The following PDE9A variants were observed in gnomAD, a reference collection of about 807,000 sequenced individuals.
PDE9A encodes the protein high affinity cGMP-specific 3',5'-cyclic phosphodiesterase 9A.
PDE9A carries 60 observed loss-of-function variants against 87.4 expected under a neutral mutation model. That is an observed-to-expected ratio of 0.69 (90% CI 0.56 to 0.85). The LOEUF (loss-of-function observed/expected upper bound fraction) is 0.85, where lower values mean the gene tolerates loss of function less well. Ranked by LOEUF, PDE9A falls within the 40% of genes least tolerant of loss-of-function variation. The pLI is 0.00. For synonymous variants in PDE9A, 272 were observed against 279.4 expected (o/e 0.97, Z 0.27); for missense variants, 665 against 779.0 (o/e 0.85, Z 1.74).
At chr21:42,765,299 G>A in intron 14 of PDE9A, 82 bp from the exon 15 acceptor site, 1 of 710,694 alleles carries the variant, frequency 1.4e-6, no homozygotes, top group Non-Finnish European at 2.5e-6. Context: ...AATGTGTGCA[G>A]GGGGCTCAGT....
intron 4 of PDE9A, among the ~76,000 whole-genome samples, chr21:42,720,936 C>T (rs2050453079): frequency 1.3e-5 from 2 of 151,868 alleles, no homozygotes; most frequent in East Asian, 1.9e-4. Context: ...ACCCGGGAGG[C>T]GGAGGTTGCA....
At chr21:42,688,349 A>G (rs540388700) in intron 3 of PDE9A, among the ~76,000 whole-genome samples, 1 of 152,158 alleles carries the variant, frequency 6.6e-6, no homozygotes, top group Admixed American at 6.5e-5. Flanking sequence ...GATTCCCTAC[A>G]GAGCCCCTGG....
At chr21:42,726,867 T>C (rs1477367639) in intron 4 of PDE9A, among the ~76,000 whole-genome samples, 1 of 151,260 alleles carries the variant, frequency 6.6e-6, no homozygotes, top group East Asian at 1.9e-4. Context: ...CGTATTTGTA[T>C]GGACATGGTC....
chr21:42,677,599 G>C (rs191758885), intron 1 of PDE9A, among the ~76,000 whole-genome samples: 4 of 151,618 alleles, frequency 2.6e-5, no homozygotes, highest in African/African-American at 9.7e-5. Context: ...TCTTTCATTC[G>C]CCAGCCTGTC....
At chr21:42,664,785 C>T (rs1394260582) in intron 1 of PDE9A, among the ~76,000 whole-genome samples, 1 of 152,226 alleles carries the variant, frequency 6.6e-6, no homozygotes, top group Non-Finnish European at 1.5e-5. Context: ...TTTGGGTACA[C>T]ACGGCCGGGT....
rs2058821764 is a variant in PDE9A, at chr21:42,675,914, G to A, written c.70-10278G>A. ...TCAGTGTTGGAGTGGGGCCTGGTGG[G>A]AGGTGACTGGATCGTGGGGTGGGTT... On this transcript the variant is annotated intron_variant, in intron 1 of 19. Coordinates refer to ENST00000291539, the MANE Select transcript of PDE9A (RefSeq NM_002606.3). The surrounding 1 kb of genome is among the most constrained non-coding windows in gnomAD (Gnocchi z 4.3). Among the ~76,000 whole-genome samples, 2 of 152,218 alleles carry A rather than the reference G, an allele frequency of 1.3e-5. No individual in the cohort carries two copies. Among genetic ancestry groups the A allele is most frequent in the African/African-American group, 4.8e-5 (2 of 41,454 alleles).
intron 1 of PDE9A, 32 bp downstream of exon 1, chr21:42,653,915 T>C: frequency 4.0e-6 from 5 of 1,263,900 alleles, no homozygotes; most frequent in East Asian, 2.9e-5. Flanking sequence ...CACCCCCTCC[T>C]CCCCCCGGGT....
At position 42,760,514 on chromosome 21, in the gene PDE9A, C is replaced by T. The variant is rs1403892510; in HGVS notation, c.1002+82C>T. ...CCCTTCCAGGGAGCGGCAGCCCCAT[C>T]CCACCAAGAGAGCCACAGGCGTGGG... On this transcript the variant is annotated intron_variant, in intron 12 of 19. Coordinates refer to ENST00000291539, the MANE Select transcript of PDE9A (RefSeq NM_002606.3). The surrounding 1 kb of genome is among the most constrained non-coding windows in gnomAD (Gnocchi z 5.2). 34 of 865,664 alleles carry T rather than the reference C, an allele frequency of 3.9e-5. No individual in the cohort carries two copies. The East Asian group carries it at 8.7e-4, about 22-fold the overall frequency. The allele number at this position is 865,664 out of a possible 1,614,324, so 53.6% of individuals were successfully genotyped here.
At chr21:42,684,571 G>A (rs937706547) in intron 1 of PDE9A, among the ~76,000 whole-genome samples, 1 of 152,254 alleles carries the variant, frequency 6.6e-6, no homozygotes, top group African/African-American at 2.4e-5. Context: ...GGCGAGGCCA[G>A]GAACCAGGAC....
rs554339275 is a variant in PDE9A at position 42,708,617 on chromosome 21, C to T, written c.262+9606C>T. On this transcript the variant is annotated intron_variant, in intron 4 of 19. Transcript: ENST00000291539. ...TTGCCGAGGCTGGAGTGCAGTGGCG[C>T]GATCTCGGCTCACTGCAACTTCTGC... Among the ~76,000 whole-genome samples the T allele has an allele frequency of 2.2e-4, 33 of 152,274 alleles. 1 individual carries two copies. The highest frequency in any genetic ancestry group is 6.8e-3 in the Middle Eastern group (2 of 294).
At position 42,695,271 on chromosome 21, in the gene PDE9A, C is replaced by G. The variant is rs532257407; in HGVS notation, c.219-3697C>G. Among the ~76,000 whole-genome samples, 7 of 152,332 alleles carry G rather than the reference C, an allele frequency of 4.6e-5. No homozygotes were observed. In the South Asian group the frequency reaches 1.5e-3, roughly 32 times the overall value. On this transcript the variant is annotated intron_variant, in intron 3 of 19. Transcript: ENST00000291539. The surrounding 1 kb of genome is among the most constrained non-coding windows in gnomAD (Gnocchi z 4.3). ...ATGATCAAATAAGGCTCCAGCATTCCTCCTTGGAGGGACTCTGAGCCATCT... is the reference window on the plus strand; with the variant it reads ...ATGATCAAATAAGGCTCCAGCATTCGTCCTTGGAGGGACTCTGAGCCATCT...
intron 1 of PDE9A, among the ~76,000 whole-genome samples, chr21:42,678,981 T>A (rs1428463096): frequency 6.6e-6 from 1 of 152,214 alleles, no homozygotes; most frequent in African/African-American, 2.4e-5. Flanking sequence ...ACGAGTCCCC[T>A]CCAAACTGGA....
rs943514919 is a variant in PDE9A at position 42,760,659 on chromosome 21, C to T, written c.1003-166C>T. On this transcript the variant is annotated intron_variant, in intron 12 of 19. Coordinates refer to ENST00000291539, the MANE Select transcript of PDE9A (RefSeq NM_002606.3). This position sits in a 1 kb window ranked among gnomAD's most constrained non-coding sequence, Gnocchi z 5.2. ...GTGAGTCCCCGACCTGGTCACCCCC[C>T]CAACCCCCACAGGCAGGCCGATCCT... Among the ~76,000 whole-genome samples, 9 of 152,082 alleles carry T rather than the reference C, an allele frequency of 5.9e-5. No individual in the cohort carries two copies. Among genetic ancestry groups the T allele is most frequent in the Admixed American group, 2.0e-4 (3 of 15,272 alleles).
intron 7 of PDE9A, among the ~76,000 whole-genome samples, chr21:42,737,996 C>T (rs369143291): frequency 1.8e-4 from 28 of 152,260 alleles, no homozygotes; most frequent in Non-Finnish European, 3.5e-4. Flanking sequence ...CCTTACGTTA[C>T]GGATTATTTT....
chr21:42,714,711 C>G lies in PDE9A; in HGVS notation c.262+15700C>G, dbSNP rs374492350. Among the ~76,000 whole-genome samples, 660 of 115,760 alleles carry G rather than the reference C, an allele frequency of 5.7e-3. 3 individuals are homozygous for G. Among genetic ancestry groups the G allele is most frequent in the African/African-American group, 0.018 (602 of 33,446 alleles). 75.9% of individuals were successfully genotyped at this position (115,760 alleles called of 152,430 possible). ...GGGGTTAGCTCTACCAGTCTTTGTT[C>G]ATATGGTTGGGGTTAGCTCTACCAG... is the stretch of plus-strand genomic sequence containing the variant. On this transcript the variant is annotated intron_variant, in intron 4 of 19. Transcript: ENST00000291539.
chr21:42,770,328 C>A (rs1163224176), intron 17 of PDE9A, among the ~76,000 whole-genome samples: 2 of 152,206 alleles, frequency 1.3e-5, no homozygotes, highest in African/African-American at 4.8e-5. Context: ...CGCTGCGCAT[C>A]CTTCTGCTCT....
chr21:42,689,681 G>T, intron 3 of PDE9A: 2 of 985,400 alleles, frequency 2.0e-6, no homozygotes, highest in Non-Finnish European at 2.4e-6. Context: ...TCTGGCCCCA[G>T]GTGCCTTATT....
chr21:42,666,751 G>A (rs2058025634), intron 1 of PDE9A, among the ~76,000 whole-genome samples: 2 of 152,326 alleles, frequency 1.3e-5, no homozygotes, highest in East Asian at 1.9e-4. Context: ...AGGTCATATC[G>A]TGAAGTGCTG....
At position 42,733,334 on chromosome 21, in the gene PDE9A, C is replaced by T. The variant is rs200581769; in HGVS notation, c.498-22C>T. 4 of 1,441,488 alleles carry T rather than the reference C, an allele frequency of 2.8e-6. No homozygotes were observed. The East Asian group carries it at 9.1e-5, about 33-fold the overall frequency. 89.3% of individuals were successfully genotyped at this position (1,441,488 alleles called of 1,614,324 possible). A position where few individuals can be genotyped will look rare whatever the true frequency, so the allele number is the denominator to read the frequency against. Reference sequence around the variant, plus strand: ...GAATTTTAAGGGTCATATTTACTCTCTCTTTTCTTTTTCATTCCTAGAGCA... The same window carrying T: ...GAATTTTAAGGGTCATATTTACTCTTTCTTTTCTTTTTCATTCCTAGAGCA... On this transcript the variant is annotated intron_variant, in intron 6 of 19. Coordinates refer to ENST00000291539, the MANE Select transcript of PDE9A (RefSeq NM_002606.3).
Sources: gnomAD v4.1 joint callset for allele counts (sites outside exome capture counted in the v4.1 genomes callset) on GRCh38, gnomAD v4.1.1 for gene constraint, Gnocchi (gnomAD v3.1) non-coding constraint, MANE v1.5 for transcripts, NCBI Gene and HGNC (gene_info 2026-07-23, HGNC 2026-07-21) for gene names.